Variants in CA12 observed in about 807,000 individuals in gnomAD.
The protein encoded by CA12 is carbonic anhydrase 12, also known as carbonate dehydratase XII.
In CA12, 36 loss-of-function variants were observed where a neutral mutation model predicts 46.8. The ratio of observed to expected loss-of-function variants is 0.77; its 90% CI spans 0.59 to 1.02. CA12 has a LOEUF of 1.02. Ranked by LOEUF, CA12 falls within the 50% of genes least tolerant of loss-of-function variation. The pLI, the probability that CA12 is intolerant of heterozygous loss-of-function variation, is 0.00. For missense variants in CA12, 436 were observed against 451.4 expected, an observed-to-expected ratio of 0.97 and a Z score of 0.31; for synonymous variants, 202 against 187.0, an observed-to-expected ratio of 1.08 and a Z score of -0.65.
chr15:63,379,680 G>A (rs1479901312), intron 1 of CA12, among the ~76,000 whole-genome samples: 1 of 152,222 alleles, frequency 6.6e-6, no homozygotes, highest in African/African-American at 2.4e-5. Context: ...AATGCCCAGA[G>A]AAAATGGTAT....
At position 63,341,280 on chromosome 15, in the gene CA12, GCTGTGGACCAGTACCGGT is replaced by G. The variant is rs1212296377; in HGVS notation, c.526-515_526-498del. Among the ~76,000 whole-genome samples, 60 of 152,316 alleles carry G rather than the reference GCTGTGGACCAGTACCGGT, an allele frequency of 3.9e-4. No individual in the cohort carries two copies. The highest frequency in any genetic ancestry group is 3.3e-3 in the Admixed American group (51 of 15,306). ...TAGAGCAGGGGTGCCCAGCCCCCAG[GCTGTGGACCAGTACCGGT>G]CTGTGGCCTGTTAGGAACTGGGCCG... is the stretch of plus-strand genomic sequence containing the variant. On this transcript the variant is annotated intron_variant, in intron 5 of 10. Coordinates refer to ENST00000178638, the MANE Select transcript of CA12 (RefSeq NM_001218.5). The surrounding 1 kb of genome is among the most constrained non-coding windows in gnomAD (Gnocchi z 5.2).
intron 2 of CA12, among the ~76,000 whole-genome samples, chr15:63,356,738 AC>A (rs1181014221): frequency 6.6e-6 from 1 of 152,054 alleles, no homozygotes; most frequent in Non-Finnish European, 1.5e-5. Flanking sequence ...CGATCTCCTG[AC>A]TTCAAGTGAT....
chr15:63,362,019 G>A (rs1224615451), intron 2 of CA12, among the ~76,000 whole-genome samples: 1 of 152,200 alleles, frequency 6.6e-6, no homozygotes, highest in Non-Finnish European at 1.5e-5. Flanking sequence ...ATCAGGGGTT[G>A]GCTAACTTTT....
chr15:63,350,015 G>A (rs904181860), intron 2 of CA12, among the ~76,000 whole-genome samples: 3 of 152,166 alleles, frequency 2.0e-5, no homozygotes, highest in Non-Finnish European at 4.4e-5. Context: ...GCTTACCTGT[G>A]TGCAAATGGT....
At chr15:63,375,534 A>G in intron 2 of CA12, 124 bp downstream of exon 2, 1 of 687,932 alleles carries the variant, frequency 1.5e-6, no homozygotes, top group Non-Finnish European at 2.6e-6. Flanking sequence ...TTTCTACAAT[A>G]CAAGAACTGT....
Position 63,323,768 on chromosome 15 carries a change from G to A in CA12, c.*2517C>T, listed in dbSNP as rs2038826659. ...GTGAATTTGAAATGTGATTAATAGA[G>A]TCAATGCAGCACATGCTAGAAACAG... On this transcript the variant is annotated 3_prime_UTR_variant, in exon 11 of 11. Transcript: ENST00000178638. This position sits in a 1 kb window ranked among gnomAD's most constrained non-coding sequence, Gnocchi z 5.1. 1.3e-5 allele frequency: 2 copies of A among 152,506 alleles called. No individual in the cohort carries two copies. The highest frequency in any genetic ancestry group is 4.8e-5 in the African/African-American group (2 of 41,440). 9.4% of individuals were successfully genotyped at this position (152,506 alleles called of 1,614,324 possible).
Position 63,324,245 on chromosome 15 carries a change from T to C in CA12, c.*2040A>G, listed in dbSNP as rs1160848708. 1 of 152,282 alleles carries C rather than the reference T, an allele frequency of 6.6e-6. No individual in the cohort carries two copies. Among genetic ancestry groups the C allele is most frequent in the Non-Finnish European group, 1.5e-5 (1 of 68,088 alleles). The allele number at this position is 152,282 out of a possible 1,614,324, so 9.4% of individuals were successfully genotyped here. The stretch of plus-strand genomic sequence containing the variant: ...CAAGAGGAGAGGAGAAATGCCACTG[T>C]CTTGCACCTCCCAGTAAGTCTCCCT... On this transcript the variant is annotated 3_prime_UTR_variant, in exon 11 of 11. Coordinates refer to ENST00000178638, the MANE Select transcript of CA12 (RefSeq NM_001218.5).
intron 1 of CA12, among the ~76,000 whole-genome samples, chr15:63,377,178 G>A (rs1051502244): frequency 3.3e-5 from 5 of 152,150 alleles, no homozygotes; most frequent in Middle Eastern, 3.2e-3. Context: ...TCACCTCCGA[G>A]GAAGGGACCC....
At chr15:63,361,550 A>G (rs753838691) in intron 2 of CA12, among the ~76,000 whole-genome samples, 4 of 152,134 alleles carry the variant, frequency 2.6e-5, no homozygotes, top group Non-Finnish European at 5.9e-5. Context: ...TGCACAACAG[A>G]GAGTTATCCT....
At chr15:63,364,895 A>T (rs1378076809) in intron 2 of CA12, among the ~76,000 whole-genome samples, 2 of 152,220 alleles carry the variant, frequency 1.3e-5, no homozygotes, top group African/African-American at 4.8e-5. Flanking sequence ...TGTGCTGCTG[A>T]CAGCAATGAC....
Position 63,323,529 on chromosome 15 carries a change from C to T in CA12, c.*2756G>A, listed in dbSNP as rs1027039380. The T allele has an allele frequency of 6.6e-6, 1 of 152,380 alleles. No homozygotes were observed. Among genetic ancestry groups the T allele is most frequent in the East Asian group, 1.9e-4 (1 of 5,188 alleles). 9.4% of individuals were successfully genotyped at this position (152,380 alleles called of 1,614,324 possible). A position where few individuals can be genotyped will look rare whatever the true frequency, so the allele number is the denominator to read the frequency against. On this transcript the variant is annotated 3_prime_UTR_variant, in exon 11 of 11. Transcript: ENST00000178638. The surrounding 1 kb of genome is among the most constrained non-coding windows in gnomAD (Gnocchi z 5.1). ...GCCTCCAAAAAAAAAAAAAGAACAG[C>T]CTGATGTGAAAAACATTTATAATTT...
chr15:63,379,269 C>T (rs766615998), intron 1 of CA12, among the ~76,000 whole-genome samples: 2 of 152,008 alleles, frequency 1.3e-5, no homozygotes, highest in Non-Finnish European at 2.9e-5. Flanking sequence ...TGGGGAGAAG[C>T]GGCGTTGTAA....
intron 1 of CA12, among the ~76,000 whole-genome samples, chr15:63,380,812 T>C (rs1446229676): frequency 6.6e-6 from 1 of 152,144 alleles, no homozygotes; most frequent in Non-Finnish European, 1.5e-5. Flanking sequence ...TAAAATCACT[T>C]TCGGTCCAAA....
chr15:63,334,769 C>A (rs1188895729), intron 8 of CA12, among the ~76,000 whole-genome samples: 1 of 152,162 alleles, frequency 6.6e-6, no homozygotes, highest in Non-Finnish European at 1.5e-5. Context: ...TTTGTACACT[C>A]CTAAGGGTGC....
chr15:63,337,455 T>C (rs746934315), intron 8 of CA12, among the ~76,000 whole-genome samples: 2 of 152,196 alleles, frequency 1.3e-5, no homozygotes, highest in Non-Finnish European at 2.9e-5. Flanking sequence ...TCTTTTGTTT[T>C]TGTTTTTTGG....
At position 63,321,906 on chromosome 15, in the gene CA12, A is replaced by G. The variant is rs2152607053; in HGVS notation, c.*4379T>C. On this transcript the variant is annotated 3_prime_UTR_variant, in exon 11 of 11. Coordinates refer to ENST00000178638, the MANE Select transcript of CA12 (RefSeq NM_001218.5). This position sits in a 1 kb window ranked among gnomAD's most constrained non-coding sequence, Gnocchi z 4.5. ...TCCACGATGTGCTCATTTAGGCTTG[A>G]TTTTCCTCCTGCCCTCCTGTCTCCC... 6.6e-6 allele frequency: 1 copy of G among 150,456 alleles called. No individual in the cohort carries two copies. The highest frequency in any genetic ancestry group is 1.5e-5 in the Non-Finnish European group (1 of 67,422). The allele number at this position is 150,456 out of a possible 1,614,324, so 9.3% of individuals were successfully genotyped here.
At position 63,325,324 on chromosome 15, in the gene CA12, A is replaced by C. The variant is rs1174561368; in HGVS notation, c.*961T>G. On this transcript the variant is annotated 3_prime_UTR_variant, in exon 11 of 11. Coordinates refer to ENST00000178638, the MANE Select transcript of CA12 (RefSeq NM_001218.5). This position sits in a 1 kb window ranked among gnomAD's most constrained non-coding sequence, Gnocchi z 4.9. ...GCCTATTTCCTCCAGATTCAAAGGC[A>C]GATTGGGTCATCTCGGAACTCATGT... The C allele has an allele frequency of 6.6e-6, 1 of 152,262 alleles. No individual in the cohort carries two copies. Among genetic ancestry groups the C allele is most frequent in the Non-Finnish European group, 1.5e-5 (1 of 68,048 alleles). 9.4% of individuals were successfully genotyped at this position (152,262 alleles called of 1,614,324 possible).
intron 2 of CA12, among the ~76,000 whole-genome samples, chr15:63,364,983 C>G (rs549367354): frequency 6.6e-6 from 1 of 152,326 alleles, no homozygotes; most frequent in East Asian, 1.9e-4. Context: ...GGGTCTCTCT[C>G]TGTTGCTGGG....
rs1027673972 is a variant in CA12 at position 63,322,235 on chromosome 15, G to C, written c.*4050C>G. 2.6e-5 allele frequency: 4 copies of C among 151,974 alleles called. No individual in the cohort carries two copies. The highest frequency in any genetic ancestry group is 9.7e-5 in the African/African-American group (4 of 41,340). 9.4% of individuals were successfully genotyped at this position (151,974 alleles called of 1,614,324 possible). A position where few individuals can be genotyped will look rare whatever the true frequency, so the allele number is the denominator to read the frequency against. On this transcript the variant is annotated 3_prime_UTR_variant, in exon 11 of 11. Transcript: ENST00000178638. This position sits in a 1 kb window ranked among gnomAD's most constrained non-coding sequence, Gnocchi z 4.1. ...CTAAATAACGACCAAATATCTACAA[G>C]GAAAATCTAGCATCTGAATCGAGTG... is the stretch of plus-strand genomic sequence containing the variant.
Sources: gnomAD v4.1 joint callset for allele counts (sites outside exome capture counted in the v4.1 genomes callset) on GRCh38, gnomAD v4.1.1 for gene constraint, Gnocchi (gnomAD v3.1) non-coding constraint, MANE v1.5 for transcripts, NCBI Gene and HGNC (gene_info 2026-07-23, HGNC 2026-07-21) for gene names.